The following PTPRD variants were observed in gnomAD, a reference collection of about 807,000 sequenced individuals.
The protein encoded by PTPRD is protein tyrosine phosphatase receptor type D.
A neutral mutation model predicts 214.5 loss-of-function variants in PTPRD; 34 were observed. That is an observed-to-expected ratio of 0.16 (90% confidence interval 0.12 to 0.21). The LOEUF (loss-of-function observed/expected upper bound fraction) is 0.21, where lower values mean the gene tolerates loss of function less well. Ranked by LOEUF, PTPRD falls within the 10% of genes least tolerant of loss-of-function variation. The pLI is 1.00. For synonymous variants in PTPRD, 1,128 were observed against 845.7 expected, an observed-to-expected ratio of 1.33 and a Z score of -5.79; for missense variants, 2,545 against 2,398.7, an observed-to-expected ratio of 1.06 and a Z score of -1.27.
chr9:10,512,186 G>GAAGTT (rs79401803), intron 2 of PTPRD, among the ~76,000 whole-genome samples: 4 of 150,796 alleles, frequency 2.7e-5, no homozygotes, highest in Admixed American at 2.0e-4. Context: ...TACAAAAAAA[G>GAAGTT]CTTATTTACC....
At chr9:10,125,524 G>A (rs1204794760) in intron 3 of PTPRD, among the ~76,000 whole-genome samples, 4 of 148,722 alleles carry the variant, frequency 2.7e-5, no homozygotes, top group Non-Finnish European at 3.0e-5. Context: ...GCGCAATCTC[G>A]GCTCACTGCA....
At chr9:8,443,572 G>T (rs2095620670) in intron 34 of PTPRD, among the ~76,000 whole-genome samples, 1 of 152,164 alleles carries the variant, frequency 6.6e-6, no homozygotes, top group South Asian at 2.1e-4. Context: ...GTCATCCACT[G>T]AATGAAAATG....
At chr9:8,556,564 C>A (rs1593636776) in intron 14 of PTPRD, among the ~76,000 whole-genome samples, 2 of 151,988 alleles carry the variant, frequency 1.3e-5, no homozygotes, top group East Asian at 1.9e-4. Flanking sequence ...TTTTATATTT[C>A]TTTATATATC....
At chr9:9,165,234 A>T (rs2099900526) in intron 10 of PTPRD, among the ~76,000 whole-genome samples, 1 of 152,170 alleles carries the variant, frequency 6.6e-6, no homozygotes, top group South Asian at 2.1e-4. Flanking sequence ...ATATAGAAAG[A>T]TAAATACATT....
intron 3 of PTPRD, among the ~76,000 whole-genome samples, chr9:10,251,606 A>C (rs1358049590): frequency 1.3e-5 from 2 of 152,224 alleles, no homozygotes; most frequent in Non-Finnish European, 2.9e-5. Context: ...AATAAATCAC[A>C]CAGAACATCA....
intron 3 of PTPRD, among the ~76,000 whole-genome samples, chr9:10,034,906 T>C (rs981266204): frequency 6.6e-6 from 1 of 152,224 alleles, no homozygotes; most frequent in Non-Finnish European, 1.5e-5. Flanking sequence ...CATGTGTCTT[T>C]ATAATAGAAC....
Position 9,810,062 on chromosome 9 carries a change from CTGCACCTCCTCT to C in PTPRD, c.-367-43223_-367-43212del, listed in dbSNP as rs2046649647. ...CCTACCCTTCCACCTCCCCTTCCTC[CTGCACCTCCTCT>C]TCAGGCTACTCAGTGTAAAGATGAA... is the stretch of plus-strand genomic sequence containing the variant. On this transcript the variant is annotated intron_variant, in intron 5 of 45. Transcript: ENST00000381196. Among the ~76,000 whole-genome samples the C allele has an allele frequency of 2.7e-5, 4 of 150,512 alleles. No homozygotes were observed. In the South Asian group the frequency reaches 8.4e-4, roughly 32 times the overall value.
At chr9:9,244,218 A>C (rs1304357808) in intron 9 of PTPRD, among the ~76,000 whole-genome samples, 1 of 152,146 alleles carries the variant, frequency 6.6e-6, no homozygotes, top group East Asian at 1.9e-4. Flanking sequence ...TGCCCAAGGT[A>C]ATTTATAGAT....
intron 34 of PTPRD, among the ~76,000 whole-genome samples, chr9:8,448,120 T>G (rs1035191850): frequency 8.6e-5 from 13 of 150,800 alleles, no homozygotes; most frequent in African/African-American, 3.2e-4. Flanking sequence ...AGCCCAGGAG[T>G]TGGAGCCCAG....
chr9:10,077,547 T>C lies in PTPRD; in HGVS notation c.-544-43757A>G, dbSNP rs532590798. On this transcript the variant is annotated intron_variant, in intron 3 of 45. Transcript: ENST00000381196. ...TATATGTGCAGGTTTATTATACAGA[T>C]AAGTTGCATGTCACTGGGGTTTGGT... Among the ~76,000 whole-genome samples the C allele has an allele frequency of 3.9e-5, 6 of 152,272 alleles. No homozygotes were observed. In the South Asian group the frequency reaches 1.0e-3, roughly 26 times the overall value.
At chr9:8,516,045 G>C (rs190554740) in intron 21 of PTPRD, among the ~76,000 whole-genome samples, 1 of 152,252 alleles carries the variant, frequency 6.6e-6, no homozygotes. Flanking sequence ...TCACAGCTGA[G>C]AAATTTAAAA....
Position 8,314,595 on chromosome 9 carries a change from G to C in PTPRD, c.*3279C>G, listed in dbSNP as rs1012325717. ...CTGTAGCCTTCTGATCTCTGCTGGA[G>C]TATCAGGGCACCCATAAACCCAAAA... On this transcript the variant is annotated 3_prime_UTR_variant, in exon 46 of 46. Coordinates refer to ENST00000381196, the MANE Select transcript of PTPRD (RefSeq NM_002839.4). The C allele has an allele frequency of 4.3e-6, 1 of 231,966 alleles. No homozygotes were observed. Among genetic ancestry groups the C allele is most frequent in the Non-Finnish European group, 8.5e-6 (1 of 117,228 alleles). 14.4% of individuals were successfully genotyped at this position (231,966 alleles called of 1,614,324 possible). A position where few individuals can be genotyped will look rare whatever the true frequency, so the allele number is the denominator to read the frequency against.
At chr9:10,392,965 A>G (rs2098098855) in intron 2 of PTPRD, among the ~76,000 whole-genome samples, 2 of 151,680 alleles carry the variant, frequency 1.3e-5, no homozygotes, top group South Asian at 4.1e-4. Flanking sequence ...TCAGTCCTCA[A>G]AGTAGCAGAG....
intron 9 of PTPRD, among the ~76,000 whole-genome samples, chr9:9,279,241 T>C (rs1255320466): frequency 6.7e-6 from 1 of 150,060 alleles, no homozygotes; most frequent in East Asian, 2.0e-4. Context: ...CATATATCTA[T>C]ATAAGAATAT....
chr9:9,822,374 G>A (rs1231388350), intron 5 of PTPRD, among the ~76,000 whole-genome samples: 1 of 150,642 alleles, frequency 6.6e-6, no homozygotes, highest in Non-Finnish European at 1.5e-5. Flanking sequence ...TCACACCACT[G>A]CATTCCAGCC....
At chr9:8,479,522 A>C (rs1165140376) in intron 30 of PTPRD, among the ~76,000 whole-genome samples, 1 of 152,360 alleles carries the variant, frequency 6.6e-6, no homozygotes, top group African/African-American at 2.4e-5. Context: ...CGGAAAGTGC[A>C]TAAATAAAAC....
intron 11 of PTPRD, among the ~76,000 whole-genome samples, chr9:8,944,517 G>C (rs975040511): frequency 1.3e-5 from 2 of 152,076 alleles, no homozygotes; most frequent in African/African-American, 4.8e-5. Flanking sequence ...TCCATCGACA[G>C]ATGAATGGAT....
intron 9 of PTPRD, among the ~76,000 whole-genome samples, chr9:9,273,783 T>G (rs1030027551): frequency 2.6e-5 from 4 of 151,320 alleles, no homozygotes; most frequent in African/African-American, 9.7e-5. Context: ...GAGATTATAA[T>G]GAGGTCTCAT....
intron 11 of PTPRD, among the ~76,000 whole-genome samples, chr9:8,918,643 C>G (rs1163846648): frequency 1.3e-5 from 2 of 152,128 alleles, no homozygotes; most frequent in Non-Finnish European, 2.9e-5. Flanking sequence ...ATATTGCACA[C>G]TTTCCTTCTC....
Sources: gnomAD v4.1 joint callset for allele counts (sites outside exome capture counted in the v4.1 genomes callset) on GRCh38, gnomAD v4.1.1 for gene constraint, MANE v1.5 for transcripts, NCBI Gene and HGNC (gene_info 2026-07-23, HGNC 2026-07-21) for gene names.